The following TRAF7 variants were observed in gnomAD, a reference collection of about 807,000 sequenced individuals.
The protein encoded by TRAF7 is TNF receptor associated factor 7, also known as E3 ubiquitin-protein ligase TRAF7.
Under a neutral mutation model 89.3 loss-of-function variants are expected in TRAF7, and 45 were observed. The observed-to-expected ratio is 0.50, with a 90% CI of 0.40 to 0.65. The LOEUF (loss-of-function observed/expected upper bound fraction) is 0.65. Ranked by LOEUF, TRAF7 falls within the 30% of genes least tolerant of loss-of-function variation. TRAF7 has a pLI of 0.00. For synonymous variants in TRAF7, 406 were observed against 369.2 expected (o/e 1.10, Z -1.14); for missense variants, 677 against 918.1 (o/e 0.74, Z 3.39).
chr16:2,165,215 G>A (rs2093079246), intron 2 of TRAF7, among the ~76,000 whole-genome samples: 1 of 141,856 alleles, frequency 7.0e-6, no homozygotes, highest in Non-Finnish European at 1.5e-5. Flanking sequence ...GCCTGGCCTG[G>A]TCGCATGGTT....
In TRAF7 at chr16:2,158,767, G is replaced by T. The variant is rs2093046109; in HGVS notation, c.-39+2909G>T. ...CGTGGGACTGGGAAGCGTGGGCTCG[G>T]CGGGGGGGGGGGGGACACTGCCACC... On this transcript the variant is annotated intron_variant, in intron 1 of 20. Transcript: ENST00000326181. This position sits in a 1 kb window ranked among gnomAD's most constrained non-coding sequence, Gnocchi z 4.7. Among the ~76,000 whole-genome samples, 1 of 139,356 alleles carries T rather than the reference G, an allele frequency of 7.2e-6. No individual in the cohort carries two copies. Among genetic ancestry groups the T allele is most frequent in the South Asian group, 2.4e-4 (1 of 4,160 alleles). 91.4% of individuals were successfully genotyped at this position (139,356 alleles called of 152,430 possible). A position where few individuals can be genotyped will look rare whatever the true frequency, so the allele number is the denominator to read the frequency against.
intron 2 of TRAF7, 80 bp from the exon 3 acceptor site, chr16:2,165,799 A>T (rs2093083884): frequency 1.3e-6 from 2 of 1,543,400 alleles, no homozygotes; most frequent in Non-Finnish European, 1.8e-6. Flanking sequence ...GTCGCGTGTT[A>T]GGCATGTGAG....
intron 4 of TRAF7, among the ~76,000 whole-genome samples, chr16:2,169,631 G>A (rs1296796525): frequency 6.6e-6 from 1 of 152,126 alleles, no homozygotes; most frequent in African/African-American, 2.4e-5. Flanking sequence ...GCCCGGGAGA[G>A]TGGTTCCCGT....
chr16:2,158,448 G>A lies in TRAF7; in HGVS notation c.-39+2590G>A, dbSNP rs560729514. On this transcript the variant is annotated intron_variant, in intron 1 of 20. Coordinates refer to ENST00000326181, the MANE Select transcript of TRAF7 (RefSeq NM_032271.3). The surrounding 1 kb of genome is among the most constrained non-coding windows in gnomAD (Gnocchi z 4.7). ...GAGGAAGCCGGCTGCCTGGAAACTC[G>A]GGGTGGAGGTGACCCAACCCCAGAA... 5.2e-4 allele frequency among the ~76,000 whole-genome samples: 79 copies of A among 152,322 alleles called. No homozygotes were observed. The highest frequency in any genetic ancestry group is 8.7e-4 in the Non-Finnish European group (59 of 68,018).
rs1305950266 is a variant in TRAF7 at position 2,166,527 on chromosome 16, C to T, written c.139+591C>T. 3.3e-5 allele frequency among the ~76,000 whole-genome samples: 5 copies of T among 152,082 alleles called. No homozygotes were observed. The East Asian group carries it at 9.6e-4, about 29-fold the overall frequency. On this transcript the variant is annotated intron_variant, in intron 3 of 20. Coordinates refer to ENST00000326181, the MANE Select transcript of TRAF7 (RefSeq NM_032271.3). ...GGGATCAGTCCTGCCACCTCAGCCTCCCAGGTAGCTGGGACCACAGGCACC... is the reference window on the plus strand; with the variant it reads ...GGGATCAGTCCTGCCACCTCAGCCTTCCAGGTAGCTGGGACCACAGGCACC...
rs142396194 is a variant in TRAF7 at position 2,170,056 on chromosome 16, C to T, written c.232-558C>T. 2.2e-4 allele frequency among the ~76,000 whole-genome samples: 33 copies of T among 152,332 alleles called. No individual in the cohort carries two copies. In the East Asian group the frequency reaches 6.4e-3, roughly 29 times the overall value. ...CAGAGGCAGGCACCTGTGGCCCTCACTCCTGCCCTCGGGAAGCTCAGCCGA... is the reference window on the plus strand; with the variant it reads ...CAGAGGCAGGCACCTGTGGCCCTCATTCCTGCCCTCGGGAAGCTCAGCCGA... On this transcript the variant is annotated intron_variant, in intron 4 of 20. Transcript: ENST00000326181.
rs2093043940 is a variant in TRAF7 at position 2,158,265 on chromosome 16, G to A, written c.-39+2407G>A. On this transcript the variant is annotated intron_variant, in intron 1 of 20. Transcript: ENST00000326181. This position sits in a 1 kb window ranked among gnomAD's most constrained non-coding sequence, Gnocchi z 4.7. ...TCATGCGGGGGGAACCTGTGGAGAGGGACCCACCAACCCCTTAGTCTTTGA... is the reference window on the plus strand; with the variant it reads ...TCATGCGGGGGGAACCTGTGGAGAGAGACCCACCAACCCCTTAGTCTTTGA... Among the ~76,000 whole-genome samples the A allele has an allele frequency of 6.6e-6, 1 of 151,772 alleles. No individual in the cohort carries two copies. Among genetic ancestry groups the A allele is most frequent in the Non-Finnish European group, 1.5e-5 (1 of 67,914 alleles).
rs2093094886 is a variant in TRAF7, at chr16:2,168,273, CAGG to C, written c.231+108_231+110del. On this transcript the variant is annotated intron_variant, in intron 4 of 20. Transcript: ENST00000326181. The surrounding 1 kb of genome is among the most constrained non-coding windows in gnomAD (Gnocchi z 4.1). ...GAGTTGACAGTGAGCTGGTGAGGCA[CAGG>C]AGAAGAAGAGCACCTGTGGATACCC... The C allele has an allele frequency of 2.1e-6, 2 of 957,134 alleles. No homozygotes were observed. Among genetic ancestry groups the C allele is most frequent in the Non-Finnish European group, 1.6e-6 (1 of 643,624 alleles). 59.3% of individuals were successfully genotyped at this position (957,134 alleles called of 1,614,324 possible). A position where few individuals can be genotyped will look rare whatever the true frequency, so the allele number is the denominator to read the frequency against.
rs536837566 is a variant in TRAF7, at chr16:2,157,643, G to A, written c.-39+1785G>A. 2.6e-5 allele frequency among the ~76,000 whole-genome samples: 4 copies of A among 152,080 alleles called. No individual in the cohort carries two copies. In the East Asian group the frequency reaches 5.8e-4, roughly 22 times the overall value. ...GGTGTGACTCTCGGCCAGCTGGTTG[G>A]ACAAGGAATGAGCAGTTTGGGGAAA... is the stretch of plus-strand genomic sequence containing the variant. On this transcript the variant is annotated intron_variant, in intron 1 of 20. Transcript: ENST00000326181.
Position 2,176,780 on chromosome 16 carries a change from G to T in TRAF7, c.*206G>T. The T allele has an allele frequency of 2.7e-6, 2 of 737,536 alleles. No homozygotes were observed. The highest frequency in any genetic ancestry group is 3.4e-5 in the South Asian group (2 of 59,342). 45.7% of individuals were successfully genotyped at this position (737,536 alleles called of 1,614,324 possible). ...GTCCTTGCTGCCCAGCCCCTCTCTG[G>T]GTGCCAGGTACGACGCTTGCCCCGG... On this transcript the variant is annotated 3_prime_UTR_variant, in exon 21 of 21. Coordinates refer to ENST00000326181, the MANE Select transcript of TRAF7 (RefSeq NM_032271.3).
chr16:2,173,206 C>A lies in TRAF7; in HGVS notation c.819C>A (p.Asp273Glu), dbSNP rs142600379. The change falls in exon 10 of 21, where the codon GAC (aspartate) becomes GAA (glutamate). Residue 273 changes from aspartate to glutamate, a missense_variant. Physicochemically the swap from Asp to Glu is conservative, Grantham distance 45. Coordinates refer to ENST00000326181, the MANE Select transcript of TRAF7 (RefSeq NM_032271.3). ...KYGCTFIGNQ[D>E]TYETHLETCR... ...GGTGCACGTTCATCGGGAACCAGGA[C>A]ACTTACGAGACCCACCTGGAGACTT... 38 of 1,611,186 alleles carry A rather than the reference C, an allele frequency of 2.4e-5. No individual in the cohort carries two copies. The highest frequency in any genetic ancestry group is 3.1e-5 in the Non-Finnish European group (37 of 1,179,378).
In TRAF7 at chr16:2,168,287, C is replaced by T. The variant is rs2141280126; in HGVS notation, c.231+119C>T. On this transcript the variant is annotated intron_variant, in intron 4 of 20. Transcript: ENST00000326181. This position sits in a 1 kb window ranked among gnomAD's most constrained non-coding sequence, Gnocchi z 4.1. Reference sequence around the variant, plus strand: ...CTGGTGAGGCACAGGAGAAGAAGAGCACCTGTGGATACCCTGAGGCCTCGG... The same window carrying T: ...CTGGTGAGGCACAGGAGAAGAAGAGTACCTGTGGATACCCTGAGGCCTCGG... 9 of 801,462 alleles carry T rather than the reference C, an allele frequency of 1.1e-5. No individual in the cohort carries two copies. The highest frequency in any genetic ancestry group is 1.8e-5 in the Non-Finnish European group (9 of 510,658). The allele number at this position is 801,462 out of a possible 1,614,324, so 49.6% of individuals were successfully genotyped here.
In TRAF7 at chr16:2,177,587, G is replaced by C; in HGVS notation, c.*1013G>C. 4.2e-6 allele frequency: 1 copy of C among 236,262 alleles called. No individual in the cohort carries two copies. The highest frequency in any genetic ancestry group is 8.3e-6 in the Non-Finnish European group (1 of 119,894). The allele number at this position is 236,262 out of a possible 1,614,324, so 14.6% of individuals were successfully genotyped here. A position where few individuals can be genotyped will look rare whatever the true frequency, so the allele number is the denominator to read the frequency against. On this transcript the variant is annotated 3_prime_UTR_variant, in exon 21 of 21. Coordinates refer to ENST00000326181, the MANE Select transcript of TRAF7 (RefSeq NM_032271.3). ...TTGGACCATGAGCAGAAGCGTCCGT[G>C]GGAACTCCACTGGGGTGGATGGGCT...
At chr16:2,173,700 CT>C (rs1406969431) in intron 11 of TRAF7, 87 bp from the exon 12 acceptor site, 1 of 1,586,628 alleles carries the variant, frequency 6.3e-7, no homozygotes, top group Non-Finnish European at 8.6e-7. Context: ...CTGCCCACCC[CT>C]GGCCCAGGGC....
chr16:2,173,698 C>T (rs1339555215), intron 11 of TRAF7, 90 bp from the exon 12 acceptor site: 1 of 1,586,834 alleles, frequency 6.3e-7, no homozygotes, highest in Non-Finnish European at 8.6e-7. Flanking sequence ...CCCTGCCCAC[C>T]CCTGGCCCAG....
At position 2,161,522 on chromosome 16, in the gene TRAF7, G is replaced by A. The variant is rs1044300853; in HGVS notation, c.-38-2361G>A. On this transcript the variant is annotated intron_variant, in intron 1 of 20. Transcript: ENST00000326181. This position sits in a 1 kb window ranked among gnomAD's most constrained non-coding sequence, Gnocchi z 5.2. ...TGGGGTCCTGGCCACCTGGGCCCCC[G>A]GGCAGGCATCACTGGCAGGGCTTGC... Among the ~76,000 whole-genome samples, 1 of 152,134 alleles carries A rather than the reference G, an allele frequency of 6.6e-6. No homozygotes were observed. The highest frequency in any genetic ancestry group is 1.5e-5 in the Non-Finnish European group (1 of 68,020).
At chr16:2,176,207 A>G in intron 19 of TRAF7, 27 bp downstream of exon 19, 1 of 1,601,604 alleles carries the variant, frequency 6.2e-7, no homozygotes, top group Middle Eastern at 1.7e-4. Flanking sequence ...CGGTGGCAGG[A>G]GGCTCAGAGG....
chr16:2,170,523 G>C (rs2093104349), intron 4 of TRAF7, 91 bp from the exon 5 acceptor site: 2 of 930,352 alleles, frequency 2.1e-6, no homozygotes, highest in Non-Finnish European at 3.4e-6. Flanking sequence ...GGGTGCTGCT[G>C]CCCTCGCGCT....
chr16:2,160,594 G>GT (rs2093054659), intron 1 of TRAF7, among the ~76,000 whole-genome samples: 1 of 148,360 alleles, frequency 6.7e-6, no homozygotes, highest in Non-Finnish European at 1.5e-5. Flanking sequence ...GGCAGGCGTG[G>GT]TGGGGACATG....
Sources: gnomAD v4.1 joint callset for allele counts (sites outside exome capture counted in the v4.1 genomes callset) on GRCh38, gnomAD v4.1.1 for gene constraint, Gnocchi (gnomAD v3.1) non-coding constraint, MANE v1.5 for transcripts, NCBI Gene and HGNC (gene_info 2026-07-23, HGNC 2026-07-21) for gene names.